Variants in TRIM7 observed in about 807,000 individuals in gnomAD.
The protein encoded by TRIM7 is tripartite motif containing 7.
Under a neutral mutation model 37.9 loss-of-function variants are expected in TRIM7, and 32 were observed. That is an observed-to-expected ratio of 0.84 (90% CI 0.64 to 1.13). The LOEUF is 1.13. TRIM7 is among the 50% of genes most tolerant of loss of function. The pLI, the probability that TRIM7 is intolerant of heterozygous loss-of-function variation, is 0.00. For missense variants in TRIM7, 732 were observed against 714.0 expected, an observed-to-expected ratio of 1.03 and a Z score of -0.29; for synonymous variants, 351 against 321.3, an observed-to-expected ratio of 1.09 and a Z score of -0.99.
Position 181,199,870 on chromosome 5 carries a change from G to T in TRIM7, c.830C>A (p.Pro277His). 1.2e-6 allele frequency: 2 copies of T among 1,614,084 alleles called. No homozygotes were observed. Among genetic ancestry groups the T allele is most frequent in the Non-Finnish European group, 1.7e-6 (2 of 1,179,968 alleles). ...SSQIQETAQK[P>H]DLDFLQEFKS... ...ACTTACCTGGAGAAAGTCAAGGTCA[G>T]GCTTTTGAGCTGTCTCCTGGATCTG... The change falls in exon 3 of 7, where the codon CCT (proline) becomes CAT (histidine). Residue 277 changes from proline (P) to histidine (H), a missense_variant. Transcript: ENST00000274773.
In TRIM7 at chr5:181,204,611, T is replaced by G. The variant is rs1449652382; in HGVS notation, c.500A>C (p.Asp167Ala). ...CACCTTGGCCTCCTGCACCGCCTCG[T>G]CCAGCGGCAGCACGGCGTGCTCGCG... ...EHREHAVLPL[D>A]EAVQEAKELL... Residue 167 changes from aspartate (D) to alanine (A), a missense_variant, in exon 1 of 7, where the codon GAC (aspartate) becomes GCC (alanine). Transcript: ENST00000274773. The G allele has an allele frequency of 1.4e-6, 2 of 1,459,752 alleles. No homozygotes were observed. The highest frequency in any genetic ancestry group is 5.6e-5 in the East Asian group (2 of 35,948). The allele number at this position is 1,459,752 out of a possible 1,614,324, so 90.4% of individuals were successfully genotyped here. A position where few individuals can be genotyped will look rare whatever the true frequency, so the allele number is the denominator to read the frequency against.
At chr5:181,203,519 G>C in intron 2 of TRIM7, 26 bp downstream of exon 2, 1 of 1,613,576 alleles carries the variant, frequency 6.2e-7, no homozygotes, top group Non-Finnish European at 8.5e-7. Context: ...AATGTCCCAC[G>C]GGGGGCCTGC....
chr5:181,195,680 G>A lies in TRIM7; in HGVS notation c.1025-3C>T, dbSNP rs1235072274. 1.3e-6 allele frequency: 2 copies of A among 1,516,896 alleles called. No individual in the cohort carries two copies. Among genetic ancestry groups the A allele is most frequent in the Non-Finnish European group, 1.8e-6 (2 of 1,130,336 alleles). The allele number at this position is 1,516,896 out of a possible 1,614,324, so 94.0% of individuals were successfully genotyped here. A position where few individuals can be genotyped will look rare whatever the true frequency, so the allele number is the denominator to read the frequency against. On this transcript the variant is annotated splice_region_variant and splice_polypyrimidine_tract_variant and intron_variant, in intron 6 of 6. Transcript: ENST00000274773. ...GTCGGGATCCAAGGTGAGCTCCACT[G>A]CAGACAGAGACAGGGAGAAATGTCC...
rs1209287307 is a variant in TRIM7, at chr5:181,205,058, G to A, written c.53C>T (p.Ala18Val). ...CTCGCCCTGCAGCTCTGCCGCCAGC[G>A]CTAGAGCCTCGGCGCCGGTTCCGGG... The part of the protein sequence containing the change: ...TGPGTGAEAL[A>V]LAAELQGEAT... Residue 18 changes from alanine to valine, a missense_variant, in exon 1 of 7, where the codon GCG (alanine) becomes GTG (valine). Transcript: ENST00000274773. 2.9e-6 allele frequency: 4 copies of A among 1,388,558 alleles called. No individual in the cohort carries two copies. In the Admixed American group the frequency reaches 1.1e-4, roughly 37 times the overall value. The allele number at this position is 1,388,558 out of a possible 1,614,324, so 86.0% of individuals were successfully genotyped here.
At chr5:181,201,223 C>A (rs1049175916) in intron 2 of TRIM7, among the ~76,000 whole-genome samples, 1 of 152,218 alleles carries the variant, frequency 6.6e-6, no homozygotes, top group Non-Finnish European at 1.5e-5. Flanking sequence ...CATTTAGCCG[C>A]CCCTCTGGCC....
In TRIM7 at chr5:181,194,458, G is replaced by GA. The variant is rs1472642373; in HGVS notation, c.*707dup. 4 of 143,474 alleles carry GA rather than the reference G, an allele frequency of 2.8e-5. No individual in the cohort carries two copies. Among genetic ancestry groups the GA allele is most frequent in the Admixed American group, 6.6e-5 (1 of 15,122 alleles). The allele number at this position is 143,474 out of a possible 1,614,324, so 8.9% of individuals were successfully genotyped here. On this transcript the variant is annotated 3_prime_UTR_variant, in exon 7 of 7. Transcript: ENST00000274773. ...AAGCAGCGTTTGTACTTTGGCACTGGAAAGTGCGGGAGTCAGGGGTTTGTG... is the reference window on the plus strand; with the variant it reads ...AAGCAGCGTTTGTACTTTGGCACTGGAAAAGTGCGGGAGTCAGGGGTTTGTG...
chr5:181,198,281 C>G, intron 5 of TRIM7, 63 bp from the exon 6 acceptor site: 1 of 1,544,734 alleles, frequency 6.5e-7, no homozygotes, highest in Admixed American at 1.7e-5. Flanking sequence ...GGCAAGGTCA[C>G]CAGCTCTTTA....
Position 181,195,064 on chromosome 5 carries a change from C to T in TRIM7, c.*102G>A, listed in dbSNP as rs1757006344. ...GCAGGCTCTCTTGGGCAGCAGGGGT[C>T]AGGAGCACGGAGGGCAGACCCAAGA... On this transcript the variant is annotated 3_prime_UTR_variant, in exon 7 of 7. Transcript: ENST00000274773. 15 of 1,427,534 alleles carry T rather than the reference C, an allele frequency of 1.1e-5. No homozygotes were observed. Among genetic ancestry groups the T allele is most frequent in the Admixed American group, 2.3e-5 (1 of 44,434 alleles). 88.4% of individuals were successfully genotyped at this position (1,427,534 alleles called of 1,614,324 possible).
At chr5:181,199,242 G>T in intron 3 of TRIM7, 125 bp from the exon 4 acceptor site, 1 of 1,087,250 alleles carries the variant, frequency 9.2e-7, no homozygotes, top group Non-Finnish European at 1.4e-6. Flanking sequence ...ACGCCTCACT[G>T]CCTGCGTGGG....
rs1470412474 is a variant in TRIM7, at chr5:181,204,800, C to T, written c.311G>A (p.Arg104Gln). 2.8e-6 allele frequency: 4 copies of T among 1,412,156 alleles called. No homozygotes were observed. The African/African-American group carries it at 4.6e-5, about 16-fold the overall frequency. 87.5% of individuals were successfully genotyped at this position (1,412,156 alleles called of 1,614,324 possible). Residue 104 changes from arginine to glutamine, a missense_variant, in exon 1 of 7, where the codon CGG becomes CAG. Arg to Gln is a conservative substitution (Grantham distance 43). Coordinates refer to ENST00000274773, the MANE Select transcript of TRIM7 (RefSeq NM_203293.3). Reference sequence around the variant, plus strand: ...GGCAGCCGCGGGCAGGCTGAAGCGCCGCAGGAGCGTGGCCACTGCCGCCAG... The same window carrying T: ...GGCAGCCGCGGGCAGGCTGAAGCGCTGCAGGAGCGTGGCCACTGCCGCCAG... ...RQLAAVATLL[R>Q]RFSLPAAAPG...
At chr5:181,202,569 CT>C (rs34294728) in intron 2 of TRIM7, 61,686 of 141,288 alleles carry the variant, frequency 0.44, 15,499 homozygotes, top group African/African-American at 0.73. Context: ...GTTTGCTTAT[CT>C]TTTTTTTTTT....
At chr5:181,198,039 G>A (rs1582226335) in intron 6 of TRIM7, 144 bp downstream of exon 6, 1 of 760,580 alleles carries the variant, frequency 1.3e-6, no homozygotes, top group Non-Finnish European at 2.2e-6. Flanking sequence ...GGGTGGTGTG[G>A]GGGAGGGGAC....
At position 181,195,107 on chromosome 5, in the gene TRIM7, G is replaced by A. The variant is rs966053795; in HGVS notation, c.*59C>T. The A allele has an allele frequency of 7.3e-5, 113 of 1,542,788 alleles. No homozygotes were observed. Among genetic ancestry groups the A allele is most frequent in the Admixed American group, 1.5e-4 (8 of 52,710 alleles). On this transcript the variant is annotated 3_prime_UTR_variant, in exon 7 of 7. Coordinates refer to ENST00000274773, the MANE Select transcript of TRIM7 (RefSeq NM_203293.3). ...ACCCAAGACGGACCAGGCATCTCTG[G>A]GGAGGCGACATCCCCTCCCACCGGC...
At chr5:181,203,524 G>A (rs758793957) in intron 2 of TRIM7, 21 bp downstream of exon 2, 2 of 1,613,846 alleles carry the variant, frequency 1.2e-6, no homozygotes, top group South Asian at 2.2e-5. Flanking sequence ...CCCACGGGGG[G>A]CCTGCGGGTG....
chr5:181,199,398 C>T, intron 3 of TRIM7: 1 of 544,476 alleles, frequency 1.8e-6, no homozygotes, highest in Non-Finnish European at 3.3e-6. Context: ...TGGAGCTATC[C>T]CATGGGACCC....
rs1582228519 is a variant in TRIM7 at position 181,198,849 on chromosome 5, G to T, written c.873-44C>A. The T allele has an allele frequency of 4.1e-6, 6 of 1,457,410 alleles. No individual in the cohort carries two copies. The African/African-American group carries it at 7.1e-5, about 17-fold the overall frequency. The allele number at this position is 1,457,410 out of a possible 1,614,324, so 90.3% of individuals were successfully genotyped here. On this transcript the variant is annotated intron_variant, in intron 4 of 6. Transcript: ENST00000274773. Reference sequence around the variant, plus strand: ...GAGAAGGGCCTGTGTGCACCATTTTGCTCCCACAGGCTGTGACAATTAGGA... The same window carrying T: ...GAGAAGGGCCTGTGTGCACCATTTTTCTCCCACAGGCTGTGACAATTAGGA...
chr5:181,201,572 C>A (rs1582234621), intron 2 of TRIM7, among the ~76,000 whole-genome samples: 3 of 152,226 alleles, frequency 2.0e-5, no homozygotes, highest in African/African-American at 7.2e-5. Flanking sequence ...CTGGGCAACA[C>A]AGGAGACTAC....
chr5:181,203,985 C>T (rs941456646), intron 1 of TRIM7: 7 of 1,070,324 alleles, frequency 6.5e-6, no homozygotes, highest in Non-Finnish European at 6.8e-6. Context: ...GGACTGCCGC[C>T]CGAGCCTCCC....
chr5:181,199,175 A>G, intron 3 of TRIM7, 58 bp from the exon 4 acceptor site: 1 of 1,605,750 alleles, frequency 6.2e-7, no homozygotes, highest in Non-Finnish European at 8.5e-7. Flanking sequence ...TTCACCTCTG[A>G]GAAACAAAGC....
Sources: gnomAD v4.1 joint callset for allele counts (sites outside exome capture counted in the v4.1 genomes callset) on GRCh38, gnomAD v4.1.1 for gene constraint, MANE v1.5 for transcripts, NCBI Gene and HGNC (gene_info 2026-07-23, HGNC 2026-07-21) for gene names.